Variants in TBC1D5 observed in about 807,000 individuals in gnomAD.
TBC1D5 encodes TBC1 domain family, member 5.
In TBC1D5, 75 loss-of-function variants were observed where a neutral mutation model predicts 100.3. That is an observed-to-expected ratio of 0.75 (90% CI 0.62 to 0.91). The LOEUF (loss-of-function observed/expected upper bound fraction) is 0.91, where lower values mean the gene tolerates loss of function less well. Ranked by LOEUF, TBC1D5 falls within the 40% of genes least tolerant of loss-of-function variation. The pLI, the probability that TBC1D5 is intolerant of heterozygous loss-of-function variation, is 0.00. For missense variants in TBC1D5, 910 were observed against 942.4 expected (o/e 0.97, Z 0.45); for synonymous variants, 323 against 325.6 (o/e 0.99, Z 0.09).
intron 2 of TBC1D5, among the ~76,000 whole-genome samples, chr3:17,553,727 G>C (rs770600902): frequency 3.9e-5 from 6 of 152,136 alleles, no homozygotes; most frequent in African/African-American, 7.2e-5. Flanking sequence ...GCCTCCACTG[G>C]AAGTATTCTG....
intron 2 of TBC1D5, among the ~76,000 whole-genome samples, chr3:17,521,282 C>T (rs748789102): frequency 6.6e-6 from 1 of 152,164 alleles, no homozygotes; most frequent in African/African-American, 2.4e-5. Context: ...TCTCCTGAGA[C>T]AATAAGACCA....
rs1041810047 is a variant in TBC1D5, at chr3:17,362,241, C to CA, written c.995+9833dup. 2.6e-4 allele frequency among the ~76,000 whole-genome samples: 40 copies of CA among 152,058 alleles called. No homozygotes were observed. In the Middle Eastern group the frequency reaches 0.01, roughly 39 times the overall value. ...TTGGGCAGAGTTCTTATATGTGACA[C>CA]AAAAAACAATCTCCATAAAAGAAAA... On this transcript the variant is annotated intron_variant, in intron 13 of 21. Transcript: ENST00000253692.
exon 15 of TBC1D5, chr3:17,291,919 C>A (rs1404065260): frequency 6.2e-7 from 1 of 1,613,806 alleles, no homozygotes; most frequent in Non-Finnish European, 8.5e-7. Flanking sequence ...GGAACAGAGC[C>A]TTAAGAATCA....
At chr3:17,661,123 T>C (rs2066602540) in intron 1 of TBC1D5, among the ~76,000 whole-genome samples, 1 of 152,228 alleles carries the variant, frequency 6.6e-6, no homozygotes, top group Non-Finnish European at 1.5e-5. Context: ...AAGGGTGGGT[T>C]AATTTGTACA....
intron 1 of TBC1D5, among the ~76,000 whole-genome samples, chr3:17,733,480 G>C (rs1471350696): frequency 6.6e-6 from 1 of 152,112 alleles, no homozygotes; most frequent in South Asian, 2.1e-4. Flanking sequence ...TAAAAGTGCA[G>C]AGTAATCACT....
chr3:17,225,487 C>A (rs976485479), intron 17 of TBC1D5, among the ~76,000 whole-genome samples: 1 of 145,318 alleles, frequency 6.9e-6, no homozygotes, highest in African/African-American at 2.6e-5. Flanking sequence ...AACAGTACAA[C>A]ACAAATAGTA....
At chr3:17,651,474 CTTTGTCCATTA>C (rs1417303918) in intron 1 of TBC1D5, among the ~76,000 whole-genome samples, 1 of 152,138 alleles carries the variant, frequency 6.6e-6, no homozygotes, top group Admixed American at 6.5e-5. Context: ...ATGTTCCATA[CTTTGTCCATTA>C]ATTTACTCCT....
intron 3 of TBC1D5, among the ~76,000 whole-genome samples, chr3:17,480,208 C>A (rs2095485839): frequency 6.6e-6 from 1 of 152,098 alleles, no homozygotes; most frequent in East Asian, 1.9e-4. Context: ...GGGTGATGAG[C>A]AGCTAAGGGT....
chr3:17,475,108 T>C (rs767742013), intron 3 of TBC1D5, among the ~76,000 whole-genome samples: 9 of 152,092 alleles, frequency 5.9e-5, no homozygotes, highest in African/African-American at 1.7e-4. Context: ...AATTTTTGGA[T>C]ATTAAAGATA....
intron 15 of TBC1D5, among the ~76,000 whole-genome samples, chr3:17,266,983 A>G (rs1559518171): frequency 6.6e-6 from 1 of 152,096 alleles, no homozygotes; most frequent in Non-Finnish European, 1.5e-5. Context: ...AAACCTCTGA[A>G]GCCATGCCAG....
intron 13 of TBC1D5, among the ~76,000 whole-genome samples, chr3:17,366,116 CT>C (rs1237661931): frequency 6.6e-6 from 1 of 151,834 alleles, no homozygotes; most frequent in African/African-American, 2.4e-5. Context: ...ATAGTGAAAC[CT>C]TGTCTTTACC....
At chr3:17,711,870 A>G (rs2074772846) in intron 1 of TBC1D5, among the ~76,000 whole-genome samples, 1 of 152,222 alleles carries the variant, frequency 6.6e-6, no homozygotes, top group South Asian at 2.1e-4. Flanking sequence ...CTCTCACACA[A>G]CCACAAGTGG....
intron 1 of TBC1D5, among the ~76,000 whole-genome samples, chr3:17,647,363 CAG>C (rs1414752608): frequency 8.5e-5 from 13 of 152,088 alleles, no homozygotes; most frequent in Non-Finnish European, 1.8e-4. Context: ...TACACAAACT[CAG>C]AAATTATTAA....
intron 19 of TBC1D5, among the ~76,000 whole-genome samples, chr3:17,168,699 T>TA (rs1286908806): frequency 2.6e-5 from 4 of 151,832 alleles, no homozygotes; most frequent in African/African-American, 7.3e-5. Context: ...AAACACATTT[T>TA]AAAAAACATG....
intron 17 of TBC1D5, among the ~76,000 whole-genome samples, chr3:17,232,764 T>A (rs2075526202): frequency 6.6e-6 from 1 of 152,260 alleles, no homozygotes; most frequent in East Asian, 1.9e-4. Flanking sequence ...TCTTTTCTGT[T>A]CCACCCCCCC....
At chr3:17,542,062 C>T (rs2096363514) in intron 2 of TBC1D5, among the ~76,000 whole-genome samples, 1 of 152,118 alleles carries the variant, frequency 6.6e-6, no homozygotes, top group African/African-American at 2.4e-5. Context: ...CCAAAGTGGC[C>T]AGACTGCTTG....
At chr3:17,374,379 G>A (rs926220190) in intron 12 of TBC1D5, 92 bp downstream of exon 12, 11 of 1,211,036 alleles carry the variant, frequency 9.1e-6, no homozygotes, top group Middle Eastern at 2.3e-4. Flanking sequence ...CAATAATAAA[G>A]GCTATATACT....
chr3:17,455,246 T>TATATGTATACATATATACATATATGTG (rs1181321269), intron 3 of TBC1D5, among the ~76,000 whole-genome samples: 5 of 137,340 alleles, frequency 3.6e-5, no homozygotes, highest in African/African-American at 1.2e-4. Flanking sequence ...ACATATATTA[T>TATATGTATACATATATACATATATGTG]TGTATATATG....
intron 9 of TBC1D5, among the ~76,000 whole-genome samples, chr3:17,381,318 T>A (rs2092935413): frequency 6.6e-6 from 1 of 152,108 alleles, no homozygotes; most frequent in African/African-American, 2.4e-5. Context: ...ATCTATTTTT[T>A]CTTTCTCTAA....
Sources: gnomAD v4.1 joint callset for allele counts (sites outside exome capture counted in the v4.1 genomes callset) on GRCh38, gnomAD v4.1.1 for gene constraint, MANE v1.5 for transcripts, NCBI Gene and HGNC (gene_info 2026-07-23, HGNC 2026-07-21) for gene names.